Variants in RAB2A observed in about 807,000 individuals in gnomAD.
The protein encoded by RAB2A is RAB2A, member RAS oncogene family.
Under a neutral mutation model 32.5 loss-of-function variants are expected in RAB2A, and 7 were observed. The ratio of observed to expected loss-of-function variants is 0.22; its 90% confidence interval spans 0.12 to 0.40. The LOEUF is 0.40. Ranked by LOEUF, RAB2A falls within the 10% of genes least tolerant of loss-of-function variation. RAB2A has a pLI of 1.00. For synonymous variants in RAB2A, 79 were observed against 85.2 expected, an observed-to-expected ratio of 0.93 and a Z score of 0.40; for missense variants, 108 against 260.7, an observed-to-expected ratio of 0.41 and a Z score of 4.03.
intron 1 of RAB2A, among the ~76,000 whole-genome samples, chr8:60,521,989 G>T (rs141653606): frequency 9.9e-4 from 151 of 152,342 alleles, no homozygotes; most frequent in African/African-American, 3.5e-3. Flanking sequence ...GACAAATGGG[G>T]ATCTGACAAA....
At chr8:60,583,333 T>G (rs1420036773) in intron 3 of RAB2A, among the ~76,000 whole-genome samples, 1 of 152,178 alleles carries the variant, frequency 6.6e-6, no homozygotes, top group Non-Finnish European at 1.5e-5. Flanking sequence ...GAAAAATAAC[T>G]TCTTATAAGA....
chr8:60,550,309 C>T (rs1383068207), intron 1 of RAB2A, among the ~76,000 whole-genome samples: 1 of 152,162 alleles, frequency 6.6e-6, no homozygotes, highest in Non-Finnish European at 1.5e-5. Flanking sequence ...TTTGAACTAC[C>T]CCCAATGCAA....
At chr8:60,570,572 A>G (rs1227286011) in intron 2 of RAB2A, among the ~76,000 whole-genome samples, 1 of 152,186 alleles carries the variant, frequency 6.6e-6, no homozygotes, top group Non-Finnish European at 1.5e-5. Flanking sequence ...ATGAATCTAT[A>G]TGCATATGTA....
chr8:60,589,643 A>G (rs1472969468), intron 5 of RAB2A, among the ~76,000 whole-genome samples: 1 of 152,242 alleles, frequency 6.6e-6, no homozygotes, highest in African/African-American at 2.4e-5. Context: ...ATTAAAAGAA[A>G]GATACTTAAG....
chr8:60,591,661 G>A (rs906129931), intron 5 of RAB2A, 197 bp from the exon 6 acceptor site: 3 of 397,232 alleles, frequency 7.6e-6, no homozygotes, highest in Non-Finnish European at 9.3e-6. Flanking sequence ...TTCTTCTGTT[G>A]GATTGTTAGT....
chr8:60,522,941 G>A (rs191226482), intron 1 of RAB2A, among the ~76,000 whole-genome samples: 41 of 152,098 alleles, frequency 2.7e-4, no homozygotes, highest in Non-Finnish European at 2.2e-4. Context: ...TGCAAAACCT[G>A]CGGCCAGAAG....
chr8:60,617,550 T>C (rs990991502), intron 6 of RAB2A, among the ~76,000 whole-genome samples: 1 of 152,162 alleles, frequency 6.6e-6, no homozygotes, highest in African/African-American at 2.4e-5. Context: ...TCTTTTGAGA[T>C]ATAATTCACA....
chr8:60,591,832 T>C (rs932428801), intron 5 of RAB2A, 26 bp from the exon 6 acceptor site: 1 of 1,427,070 alleles, frequency 7.0e-7, no homozygotes, highest in Non-Finnish European at 9.9e-7. Flanking sequence ...TGATTAGTAA[T>C]GTGACCCTTT....
intron 1 of RAB2A, among the ~76,000 whole-genome samples, chr8:60,552,187 G>C (rs71525415): frequency 6.6e-6 from 1 of 151,640 alleles, no homozygotes; most frequent in African/African-American, 2.4e-5. Context: ...ATTTTTAGTA[G>C]AGATAGGGTT....
chr8:60,584,949 T>G (rs1199091110), intron 5 of RAB2A, 134 bp downstream of exon 5: 3 of 530,662 alleles, frequency 5.7e-6, no homozygotes, highest in South Asian at 4.0e-5. Flanking sequence ...AATTCTAAGG[T>G]GTTTCTTTTG....
chr8:60,589,306 C>T (rs559785466), intron 5 of RAB2A, among the ~76,000 whole-genome samples: 3 of 152,076 alleles, frequency 2.0e-5, no homozygotes, highest in African/African-American at 7.2e-5. Context: ...TTCTGATGAT[C>T]GTAGGTGGGT....
intron 1 of RAB2A, among the ~76,000 whole-genome samples, chr8:60,525,633 A>G (rs1395788328): frequency 6.6e-6 from 1 of 152,034 alleles, no homozygotes; most frequent in South Asian, 2.1e-4. Context: ...CCCAGTTCTC[A>G]CTTTAAAATA....
At chr8:60,545,718 G>T (rs1342158530) in intron 1 of RAB2A, among the ~76,000 whole-genome samples, 1 of 152,180 alleles carries the variant, frequency 6.6e-6, no homozygotes, top group Non-Finnish European at 1.5e-5. Flanking sequence ...TAAGGTATTG[G>T]TAGCAACTCT....
intron 2 of RAB2A, among the ~76,000 whole-genome samples, chr8:60,571,014 G>T (rs943706389): frequency 6.6e-6 from 1 of 152,066 alleles, no homozygotes; most frequent in African/African-American, 2.4e-5. Context: ...ACATACTCTA[G>T]GCAGTAATGA....
chr8:60,554,921 A>G (rs1208326476), intron 1 of RAB2A, among the ~76,000 whole-genome samples: 1 of 152,226 alleles, frequency 6.6e-6, no homozygotes, highest in Non-Finnish European at 1.5e-5. Context: ...TCAAATGAAA[A>G]GTAATGAAAG....
chr8:60,609,724 G>C (rs1214475836), intron 6 of RAB2A, among the ~76,000 whole-genome samples: 4 of 152,214 alleles, frequency 2.6e-5, no homozygotes, highest in Admixed American at 1.3e-4. Context: ...CCAACACTTA[G>C]GGAGGCCAAG....
chr8:60,616,463 A>G (rs148115282), intron 6 of RAB2A, among the ~76,000 whole-genome samples: 3 of 152,350 alleles, frequency 2.0e-5, no homozygotes, highest in East Asian at 1.9e-4. Flanking sequence ...GTTGACTTCA[A>G]TATTAGGTAG....
At chr8:60,529,329 T>C (rs1239543291) in intron 1 of RAB2A, among the ~76,000 whole-genome samples, 1 of 152,238 alleles carries the variant, frequency 6.6e-6, no homozygotes, top group African/African-American at 2.4e-5. Context: ...GATATTAGCG[T>C]GGATTATATC....
chr8:60,585,297 G>A (rs1179511361), intron 5 of RAB2A, among the ~76,000 whole-genome samples: 1 of 90,508 alleles, frequency 1.1e-5, no homozygotes, highest in South Asian at 4.6e-4. Flanking sequence ...GTTTTGTTTT[G>A]TTTTGTTTTG....
Sources: gnomAD v4.1 joint callset for allele counts (sites outside exome capture counted in the v4.1 genomes callset) on GRCh38, gnomAD v4.1.1 for gene constraint, MANE v1.5 for transcripts, NCBI Gene and HGNC (gene_info 2026-07-23, HGNC 2026-07-21) for gene names.